Variants in SPOCK3 observed in about 807,000 individuals in gnomAD.
The protein encoded by SPOCK3 is testican-3.
Under a neutral mutation model 56.6 loss-of-function variants are expected in SPOCK3, and 30 were observed. The observed-to-expected ratio is 0.53, with a 90% CI of 0.40 to 0.72. SPOCK3 has a LOEUF of 0.72. Among genes scored for constraint, SPOCK3 ranks in the 30% least tolerant of loss-of-function variants. The pLI is 0.00. For synonymous variants in SPOCK3, 196 were observed against 183.3 expected (o/e 1.07, Z -0.56); for missense variants, 527 against 530.0 (o/e 0.99, Z 0.06).
At chr4:167,051,678 T>A (rs796961268) in intron 3 of SPOCK3, among the ~76,000 whole-genome samples, 41 of 152,324 alleles carry the variant, frequency 2.7e-4, no homozygotes, top group African/African-American at 7.5e-4. Context: ...TTAACAACTT[T>A]TCACAAGCCG....
At chr4:167,109,362 TTATATA>T (rs1401109841) in intron 2 of SPOCK3, among the ~76,000 whole-genome samples, 1 of 38,710 alleles carries the variant, frequency 2.6e-5, no homozygotes, top group African/African-American at 7.9e-5. Flanking sequence ...AAATATATAT[TTATATA>T]TATATTTATA....
At chr4:167,037,729 G>A (rs934168926) in intron 3 of SPOCK3, among the ~76,000 whole-genome samples, 1 of 152,150 alleles carries the variant, frequency 6.6e-6, no homozygotes, top group Non-Finnish European at 1.5e-5. Context: ...GTGTCACCTA[G>A]AACACCTAAC....
chr4:166,947,420 G>A (rs76601206), intron 4 of SPOCK3, among the ~76,000 whole-genome samples: 3,931 of 152,066 alleles, frequency 0.026, 159 homozygotes, highest in African/African-American at 0.089. Context: ...TCATTATAAC[G>A]CTGTGCAGAA....
chr4:167,105,918 A>T (rs1025795170), intron 2 of SPOCK3, among the ~76,000 whole-genome samples: 2 of 152,060 alleles, frequency 1.3e-5, no homozygotes, highest in African/African-American at 4.8e-5. Flanking sequence ...AAAGTGGTCA[A>T]TTCAGCAAGA....
At chr4:167,172,591 T>C (rs1346973964) in intron 2 of SPOCK3, among the ~76,000 whole-genome samples, 1 of 152,172 alleles carries the variant, frequency 6.6e-6, no homozygotes, top group Non-Finnish European at 1.5e-5. Context: ...TCAAACTAGT[T>C]TTCCTTAATT....
chr4:167,065,385 T>TA (rs1471752783), intron 2 of SPOCK3, among the ~76,000 whole-genome samples: 1 of 151,890 alleles, frequency 6.6e-6, no homozygotes, highest in Admixed American at 6.6e-5. Context: ...AATGTATATT[T>TA]AAAAAGAATA....
At chr4:167,020,139 T>C (rs1382497196) in intron 3 of SPOCK3, among the ~76,000 whole-genome samples, 1 of 152,086 alleles carries the variant, frequency 6.6e-6, no homozygotes, top group African/African-American at 2.4e-5. Context: ...GTGGAGTGCC[T>C]ACATAAAAGA....
At position 166,733,952 on chromosome 4, in the gene SPOCK3, A is replaced by G. The variant is rs966860693; in HGVS notation, c.*969T>C. 6.6e-6 allele frequency: 1 copy of G among 152,274 alleles called. No individual in the cohort carries two copies. Among genetic ancestry groups the G allele is most frequent in the Non-Finnish European group, 1.5e-5 (1 of 67,780 alleles). 9.4% of individuals were successfully genotyped at this position (152,274 alleles called of 1,614,324 possible). On this transcript the variant is annotated 3_prime_UTR_variant, in exon 11 of 11. Coordinates refer to ENST00000357545, the MANE Select transcript of SPOCK3 (RefSeq NM_001040159.2). ...TATCTCTATTTTTGCAAGGCACCAT[A>G]CAATAAGTTCTCTAAGTTTCCACAC...
chr4:167,234,290 G>A (rs1737512127), intron 1 of SPOCK3, 117 bp from the exon 2 acceptor site: 1 of 986,216 alleles, frequency 1.0e-6, no homozygotes, highest in South Asian at 1.5e-5. Flanking sequence ...GAGGGAGGAG[G>A]AGACAAGCAG....
chr4:167,209,305 C>G (rs975800228), intron 2 of SPOCK3, among the ~76,000 whole-genome samples: 2 of 151,984 alleles, frequency 1.3e-5, no homozygotes, highest in African/African-American at 4.8e-5. Context: ...TAAATTGAAG[C>G]AAATATGTTT....
chr4:166,780,390 C>T (rs1458554857), intron 7 of SPOCK3, among the ~76,000 whole-genome samples: 3 of 152,062 alleles, frequency 2.0e-5, no homozygotes, highest in Non-Finnish European at 2.9e-5. Context: ...GACATGACTC[C>T]AGGATCTCAG....
At chr4:166,842,854 G>C (rs796105348) in intron 6 of SPOCK3, among the ~76,000 whole-genome samples, 65 of 152,356 alleles carry the variant, frequency 4.3e-4, no homozygotes, top group African/African-American at 1.5e-3. Flanking sequence ...CTCAGCCTTT[G>C]GGCAGTAGAT....
At chr4:167,208,709 ATACAT>A (rs1473315028) in intron 2 of SPOCK3, among the ~76,000 whole-genome samples, 1 of 151,642 alleles carries the variant, frequency 6.6e-6, no homozygotes, top group African/African-American at 2.4e-5. Flanking sequence ...ATTTTTGTTT[ATACAT>A]GTAGATCTGC....
intron 6 of SPOCK3, among the ~76,000 whole-genome samples, chr4:166,809,727 C>A (rs1366790119): frequency 6.6e-6 from 1 of 151,984 alleles, no homozygotes; most frequent in Non-Finnish European, 1.5e-5. Context: ...AGATAAGCAG[C>A]CCCTGATAGC....
At chr4:166,958,757 G>A (rs1743804385) in intron 4 of SPOCK3, among the ~76,000 whole-genome samples, 1 of 152,252 alleles carries the variant, frequency 6.6e-6, no homozygotes, top group East Asian at 1.9e-4. Context: ...TTTTGCTATT[G>A]TCTGTCTCCT....
At chr4:167,028,577 T>C (rs1450451732) in intron 3 of SPOCK3, among the ~76,000 whole-genome samples, 1 of 152,068 alleles carries the variant, frequency 6.6e-6, no homozygotes, top group Admixed American at 6.6e-5. Flanking sequence ...TCATGATCTC[T>C]TGAGTTGCAG....
At chr4:166,756,040 C>T (rs1414573422) in intron 7 of SPOCK3, among the ~76,000 whole-genome samples, 1 of 33,974 alleles carries the variant, frequency 2.9e-5, no homozygotes, top group Non-Finnish European at 6.4e-5. Flanking sequence ...GCACCGTGCG[C>T]GAGCCGAAGC....
intron 2 of SPOCK3, among the ~76,000 whole-genome samples, chr4:167,184,907 G>A (rs1208239974): frequency 6.6e-6 from 1 of 152,174 alleles, no homozygotes; most frequent in Non-Finnish European, 1.5e-5. Flanking sequence ...GAAGGAAGTA[G>A]AAATTGTTGT....
At chr4:166,895,440 T>C (rs982071032) in intron 5 of SPOCK3, among the ~76,000 whole-genome samples, 2 of 71,766 alleles carry the variant, frequency 2.8e-5, no homozygotes, top group African/African-American at 8.4e-5. Context: ...AAGGGATGCA[T>C]TGTAAAAAAA....
Sources: gnomAD v4.1 joint callset for allele counts (sites outside exome capture counted in the v4.1 genomes callset) on GRCh38, gnomAD v4.1.1 for gene constraint, MANE v1.5 for transcripts, NCBI Gene and HGNC (gene_info 2026-07-23, HGNC 2026-07-21) for gene names.